MAML3: variants seen among roughly 807,000 people sequenced by gnomAD.
MAML3 encodes mastermind like transcriptional coactivator 3, also known as mastermind-like protein 3.
Under a neutral mutation model 101.9 loss-of-function variants are expected in MAML3, and 27 were observed. That is an observed-to-expected ratio of 0.27 (90% CI 0.20 to 0.37). MAML3 has a LOEUF of 0.37. Ranked by LOEUF, MAML3 falls within the 10% of genes least tolerant of loss-of-function variation. The pLI, the probability that MAML3 is intolerant of heterozygous loss-of-function variation, is 1.00. For synonymous variants in MAML3, 501 were observed against 555.9 expected, an observed-to-expected ratio of 0.90 and a Z score of 1.39; for missense variants, 1,316 against 1,444.9, an observed-to-expected ratio of 0.91 and a Z score of 1.45.
chr4:139,983,479 TC>T (rs1298025909), intron 1 of MAML3, among the ~76,000 whole-genome samples: 1 of 152,200 alleles, frequency 6.6e-6, no homozygotes, highest in African/African-American at 2.4e-5. Context: ...TTATCTCTTA[TC>T]CAAAAGGCTT....
chr4:139,810,720 A>G (rs974002335), intron 2 of MAML3, among the ~76,000 whole-genome samples: 1 of 152,042 alleles, frequency 6.6e-6, no homozygotes, highest in African/African-American at 2.4e-5. Flanking sequence ...TTCTCACTTT[A>G]TAGTTAGGGT....
intron 2 of MAML3, among the ~76,000 whole-genome samples, chr4:139,807,434 A>G (rs1353498393): frequency 2.0e-5 from 3 of 152,176 alleles, no homozygotes; most frequent in Non-Finnish European, 4.4e-5. Flanking sequence ...TGCAGGAGCC[A>G]TCTTTGGTTC....
chr4:139,831,094 C>A (rs1406797302), intron 2 of MAML3, among the ~76,000 whole-genome samples: 1 of 152,166 alleles, frequency 6.6e-6, no homozygotes, highest in Non-Finnish European at 1.5e-5. Context: ...CAAAACCCCT[C>A]AGAGAATAGA....
chr4:139,722,150 T>C (rs1728262814), intron 4 of MAML3, among the ~76,000 whole-genome samples: 1 of 152,176 alleles, frequency 6.6e-6, no homozygotes, highest in Non-Finnish European at 1.5e-5. Flanking sequence ...GAGAAATAGG[T>C]TCCTTTCTTT....
chr4:139,807,052 C>T (rs902308140), intron 2 of MAML3, among the ~76,000 whole-genome samples: 17 of 152,074 alleles, frequency 1.1e-4, no homozygotes, highest in African/African-American at 4.1e-4. Flanking sequence ...TGTTAAAATT[C>T]ACCACAATAA....
intron 1 of MAML3, among the ~76,000 whole-genome samples, chr4:140,142,823 T>C (rs1728997657): frequency 6.6e-6 from 1 of 152,182 alleles, no homozygotes; most frequent in Non-Finnish European, 1.5e-5. Context: ...TTCTAAATGT[T>C]CTCCTCTTTG....
At chr4:139,986,763 G>A (rs1027769312) in intron 1 of MAML3, among the ~76,000 whole-genome samples, 6 of 152,114 alleles carry the variant, frequency 3.9e-5, no homozygotes, top group African/African-American at 1.4e-4. Context: ...AAAGCCAGTG[G>A]CTCTGGTTAA....
chr4:140,058,727 T>G (rs1376054653), intron 1 of MAML3, among the ~76,000 whole-genome samples: 1 of 152,178 alleles, frequency 6.6e-6, no homozygotes, highest in Non-Finnish European at 1.5e-5. Flanking sequence ...TCATTTTGTT[T>G]CATTAGTCTC....
intron 1 of MAML3, among the ~76,000 whole-genome samples, chr4:139,915,699 G>T (rs1258610317): frequency 6.6e-6 from 1 of 152,138 alleles, no homozygotes; most frequent in African/African-American, 2.4e-5. Flanking sequence ...TTGGCGGGGG[G>T]GCGGGGATCC....
chr4:139,833,530 G>A (rs773755494), intron 2 of MAML3, among the ~76,000 whole-genome samples: 1 of 152,110 alleles, frequency 6.6e-6, no homozygotes, highest in Non-Finnish European at 1.5e-5. Context: ...AAAGAGAAAA[G>A]ACAGGAGAAA....
intron 1 of MAML3, among the ~76,000 whole-genome samples, chr4:139,945,716 T>C (rs1231741844): frequency 6.6e-6 from 1 of 152,246 alleles, no homozygotes; most frequent in Non-Finnish European, 1.5e-5. Flanking sequence ...ATTTTTCCCA[T>C]GAATAATAAA....
chr4:139,839,259 G>T (rs1731318117), intron 2 of MAML3, among the ~76,000 whole-genome samples: 1 of 152,126 alleles, frequency 6.6e-6, no homozygotes, highest in Admixed American at 6.5e-5. Context: ...TCCTCTGTTG[G>T]CATCAAAAGT....
At chr4:140,097,129 C>T (rs1237317641) in intron 1 of MAML3, among the ~76,000 whole-genome samples, 1 of 152,142 alleles carries the variant, frequency 6.6e-6, no homozygotes, top group African/African-American at 2.4e-5. Context: ...AAACAGGAAA[C>T]ACTATCTGCC....
chr4:139,938,910 C>T (rs1733552634), intron 1 of MAML3, among the ~76,000 whole-genome samples: 1 of 152,186 alleles, frequency 6.6e-6, no homozygotes, highest in South Asian at 2.1e-4. Context: ...TATAGTCTTT[C>T]CCAGATGCAA....
intron 2 of MAML3, among the ~76,000 whole-genome samples, chr4:139,883,173 A>G (rs1732252219): frequency 6.6e-6 from 1 of 152,232 alleles, no homozygotes; most frequent in African/African-American, 2.4e-5. Flanking sequence ...GGACAGAACC[A>G]ACAGGGCAGA....
intron 1 of MAML3, among the ~76,000 whole-genome samples, chr4:140,124,145 G>C (rs1178678313): frequency 2.0e-5 from 3 of 152,082 alleles, no homozygotes; most frequent in African/African-American, 7.2e-5. Context: ...CCTTTTCTCT[G>C]ACGTTTTTAA....
At chr4:139,834,289 T>C (rs916499829) in intron 2 of MAML3, among the ~76,000 whole-genome samples, 1 of 152,236 alleles carries the variant, frequency 6.6e-6, no homozygotes, top group Non-Finnish European at 1.5e-5. Flanking sequence ...AACATTGATC[T>C]TTCTTCCTCT....
intron 2 of MAML3, among the ~76,000 whole-genome samples, chr4:139,766,663 T>C (rs1265376825): frequency 3.3e-5 from 5 of 152,214 alleles, no homozygotes; most frequent in African/African-American, 1.2e-4. Flanking sequence ...GATCTTCTCC[T>C]TCTTCTCCCG....
At chr4:140,127,500 C>T (rs1326929712) in intron 1 of MAML3, among the ~76,000 whole-genome samples, 1 of 152,162 alleles carries the variant, frequency 6.6e-6, no homozygotes, top group Admixed American at 6.6e-5. Context: ...ACCTTCCACA[C>T]GAGAGGTATA....
Sources: gnomAD v4.1 joint callset for allele counts (sites outside exome capture counted in the v4.1 genomes callset) on GRCh38, gnomAD v4.1.1 for gene constraint, MANE v1.5 for transcripts, NCBI Gene and HGNC (gene_info 2026-07-23, HGNC 2026-07-21) for gene names.